LYRM1: variants seen among roughly 807,000 people sequenced by gnomAD.
LYRM1 encodes LYR motif-containing protein 1.
In LYRM1, 14 loss-of-function variants were observed where a neutral mutation model predicts 14.9. That is an observed-to-expected ratio of 0.94 (90% confidence interval 0.62 to 1.47). The LOEUF is 1.47. LYRM1 is among the 40% of genes most tolerant of loss of function. The pLI, the probability that LYRM1 is intolerant of heterozygous loss-of-function variation, is 0.00. For synonymous variants in LYRM1, 43 were observed against 56.2 expected (o/e 0.77, Z 1.05); for missense variants, 153 against 149.9 (o/e 1.02, Z -0.11).
At chr16:20,914,819 A>C (rs557595110) in intron 1 of LYRM1, among the ~76,000 whole-genome samples, 7 of 152,164 alleles carry the variant, frequency 4.6e-5, no homozygotes, top group Non-Finnish European at 1.0e-4. Flanking sequence ...AAGTCCTCTC[A>C]TTTATATTAC....
In LYRM1 at chr16:20,924,285, C is replaced by G; in HGVS notation, c.*169C>G. 1.8e-6 allele frequency: 1 copy of G among 563,236 alleles called. No individual in the cohort carries two copies. The highest frequency in any genetic ancestry group is 2.1e-5 in the South Asian group (1 of 47,698). The allele number at this position is 563,236 out of a possible 1,614,324, so 34.9% of individuals were successfully genotyped here. ...CTTAGATATCCCTAGAGTTTCTCAG[C>G]ATCTTTCTTCCTGAGTGGATGGCAT... On this transcript the variant is annotated 3_prime_UTR_variant, in exon 4 of 4. Coordinates refer to ENST00000567954, the MANE Select transcript of LYRM1 (RefSeq NM_001128302.3).
Position 20,901,647 on chromosome 16 carries a change from C to T in LYRM1, c.-1+758C>T, listed in dbSNP as rs1215935995. On this transcript the variant is annotated intron_variant, in intron 1 of 3. Coordinates refer to ENST00000567954, the MANE Select transcript of LYRM1 (RefSeq NM_001128302.3). This position sits in a 1 kb window ranked among gnomAD's most constrained non-coding sequence, Gnocchi z 4.6. ...AGTTGGGGAAGTGGCATGACTGTAG[C>T]AGCGCCTTTTAGCCCAAGGCAGGGG... is the stretch of plus-strand genomic sequence containing the variant. Among the ~76,000 whole-genome samples, 1 of 152,268 alleles carries T rather than the reference C, an allele frequency of 6.6e-6. No homozygotes were observed. The highest frequency in any genetic ancestry group is 6.5e-5 in the Admixed American group (1 of 15,290).
intron 1 of LYRM1, among the ~76,000 whole-genome samples, chr16:20,907,621 C>CA (rs1479814254): frequency 6.6e-6 from 1 of 152,052 alleles, no homozygotes; most frequent in East Asian, 1.9e-4. Flanking sequence ...CTCAGCCTCC[C>CA]AAAGTGCTGG....
At position 20,901,667 on chromosome 16, in the gene LYRM1, C is replaced by T. The variant is rs1210798433; in HGVS notation, c.-1+778C>T. ...TGTAGCAGCGCCTTTTAGCCCAAGG[C>T]AGGGGTTTGGCTAATGTGTACCTTA... is the stretch of plus-strand genomic sequence containing the variant. On this transcript the variant is annotated intron_variant, in intron 1 of 3. Coordinates refer to ENST00000567954, the MANE Select transcript of LYRM1 (RefSeq NM_001128302.3). This position sits in a 1 kb window ranked among gnomAD's most constrained non-coding sequence, Gnocchi z 4.6. 6.6e-6 allele frequency among the ~76,000 whole-genome samples: 1 copy of T among 152,202 alleles called. No individual in the cohort carries two copies. The highest frequency in any genetic ancestry group is 1.5e-5 in the Non-Finnish European group (1 of 68,040).
At chr16:20,903,148 C>T (rs1211870511) in intron 1 of LYRM1, among the ~76,000 whole-genome samples, 1 of 152,200 alleles carries the variant, frequency 6.6e-6, no homozygotes, top group Non-Finnish European at 1.5e-5. Context: ...TATTGTTCAG[C>T]CCACACAGTG....
At chr16:20,917,307 T>C (rs1258823095) in intron 2 of LYRM1, among the ~76,000 whole-genome samples, 1 of 152,180 alleles carries the variant, frequency 6.6e-6, no homozygotes, top group African/African-American at 2.4e-5. Flanking sequence ...AAAATACAAC[T>C]GCTATTTCTA....
chr16:20,907,623 A>C (rs1267490697), intron 1 of LYRM1, among the ~76,000 whole-genome samples: 1 of 152,040 alleles, frequency 6.6e-6, no homozygotes, highest in Non-Finnish European at 1.5e-5. Context: ...CAGCCTCCCA[A>C]AGTGCTGGGA....
chr16:20,910,718 G>A (rs2082548414), intron 1 of LYRM1, among the ~76,000 whole-genome samples: 1 of 152,110 alleles, frequency 6.6e-6, no homozygotes, highest in Non-Finnish European at 1.5e-5. Context: ...AAGCTGCAGT[G>A]AGCCATGATC....
chr16:20,914,097 T>G (rs1196874176), intron 1 of LYRM1, among the ~76,000 whole-genome samples: 1 of 151,986 alleles, frequency 6.6e-6, no homozygotes, highest in Non-Finnish European at 1.5e-5. Context: ...CATGAGCCAC[T>G]GCACCCGGCC....
Position 20,901,951 on chromosome 16 carries a change from C to T in LYRM1, c.-1+1062C>T, listed in dbSNP as rs1246277361. Among the ~76,000 whole-genome samples, 4 of 152,188 alleles carry T rather than the reference C, an allele frequency of 2.6e-5. No individual in the cohort carries two copies. The highest frequency in any genetic ancestry group is 9.7e-5 in the African/African-American group (4 of 41,440). ...TCATCCTGGCCAACATGGTGAAACCCCATCTCTACTAAAAATACAAAAATC... is the reference window on the plus strand; with the variant it reads ...TCATCCTGGCCAACATGGTGAAACCTCATCTCTACTAAAAATACAAAAATC... On this transcript the variant is annotated intron_variant, in intron 1 of 3. Coordinates refer to ENST00000567954, the MANE Select transcript of LYRM1 (RefSeq NM_001128302.3). This position sits in a 1 kb window ranked among gnomAD's most constrained non-coding sequence, Gnocchi z 4.6.
At chr16:20,920,255 T>C in intron 3 of LYRM1, 41 bp downstream of exon 3, 1 of 1,384,838 alleles carries the variant, frequency 7.2e-7, no homozygotes, top group Admixed American at 1.7e-5. Flanking sequence ...GTACTTACCC[T>C]CATCAACCTG....
At chr16:20,902,248 T>A (rs2152523960) in intron 1 of LYRM1, among the ~76,000 whole-genome samples, 1 of 152,322 alleles carries the variant, frequency 6.6e-6, no homozygotes, top group South Asian at 2.1e-4. Context: ...CAAGGTTAAC[T>A]CCCTACGGGA....
intron 1 of LYRM1, among the ~76,000 whole-genome samples, chr16:20,908,262 A>G (rs1248488549): frequency 6.6e-6 from 1 of 152,182 alleles, no homozygotes; most frequent in African/African-American, 2.4e-5. Flanking sequence ...CAAATGGGGA[A>G]GGCTATTGGA....
Position 20,901,866 on chromosome 16 carries a change from C to G in LYRM1, c.-1+977C>G, listed in dbSNP as rs1234703746. 6.6e-6 allele frequency among the ~76,000 whole-genome samples: 1 copy of G among 152,194 alleles called. No homozygotes were observed. Among genetic ancestry groups the G allele is most frequent in the Admixed American group, 6.5e-5 (1 of 15,278 alleles). On this transcript the variant is annotated intron_variant, in intron 1 of 3. Coordinates refer to ENST00000567954, the MANE Select transcript of LYRM1 (RefSeq NM_001128302.3). This position sits in a 1 kb window ranked among gnomAD's most constrained non-coding sequence, Gnocchi z 4.6. ...GCCGGCCGGGCGCGGTGGCTCACGC[C>G]TATAAACCCAGTACTTTGGGAGGCC...
intron 1 of LYRM1, among the ~76,000 whole-genome samples, chr16:20,902,868 T>G (rs1172938797): frequency 1.3e-5 from 2 of 152,196 alleles, no homozygotes; most frequent in East Asian, 3.9e-4. Context: ...GCAGGAACAC[T>G]GTGTTCATAA....
At chr16:20,914,669 C>T (rs974259315) in intron 1 of LYRM1, among the ~76,000 whole-genome samples, 1 of 151,918 alleles carries the variant, frequency 6.6e-6, no homozygotes, top group Non-Finnish European at 1.5e-5. Context: ...TCTGGATTGC[C>T]ACCTATTTTT....
intron 1 of LYRM1, chr16:20,911,299 A>G (rs531379700): frequency 1.3e-5 from 2 of 152,332 alleles, no homozygotes; most frequent in African/African-American, 4.8e-5. Flanking sequence ...AATTCTCTGT[A>G]AGTTGAATTC....
At chr16:20,910,734 A>G (rs2082549084) in intron 1 of LYRM1, among the ~76,000 whole-genome samples, 1 of 152,122 alleles carries the variant, frequency 6.6e-6, no homozygotes, top group Non-Finnish European at 1.5e-5. Flanking sequence ...TGATCATGCC[A>G]CTGTACTCCA....
Position 20,924,331 on chromosome 16 carries a change from C to T in LYRM1, c.*215C>T. 1 of 450,734 alleles carries T rather than the reference C, an allele frequency of 2.2e-6. No individual in the cohort carries two copies. The highest frequency in any genetic ancestry group is 4.0e-5 in the Admixed American group (1 of 24,972). The allele number at this position is 450,734 out of a possible 1,614,324, so 27.9% of individuals were successfully genotyped here. A position where few individuals can be genotyped will look rare whatever the true frequency, so the allele number is the denominator to read the frequency against. On this transcript the variant is annotated 3_prime_UTR_variant, in exon 4 of 4. Transcript: ENST00000567954. ...GGCATTATCCCTAGAGGTCATGGAC[C>T]TTACATCCTCACTGCAGTCACCTTT...
Sources: allele counts gnomAD v4.1 joint callset (sites outside exome capture counted in the v4.1 genomes callset), GRCh38; gene constraint gnomAD v4.1.1; non-coding constraint Gnocchi (gnomAD v3.1); transcripts MANE v1.5; gene names NCBI Gene and HGNC (gene_info 2026-07-23, HGNC 2026-07-21).